FHOD3: variants seen among roughly 807,000 people sequenced by gnomAD.
FHOD3 encodes the protein FH1/FH2 domain-containing protein 3.
Under a neutral mutation model 173.0 loss-of-function variants are expected in FHOD3, and 90 were observed. The observed-to-expected ratio is 0.52, with a 90% CI of 0.44 to 0.62. The LOEUF (loss-of-function observed/expected upper bound fraction) is 0.62, where lower values mean the gene tolerates loss of function less well. FHOD3 is among the 20% of genes least tolerant of loss of function. The pLI is 0.00. For synonymous variants in FHOD3, 828 were observed against 823.0 expected (o/e 1.01, Z -0.10); for missense variants, 1,945 against 2,034.7 (o/e 0.96, Z 0.85).
At position 36,652,702 on chromosome 18, in the gene FHOD3, C is replaced by G; in HGVS notation, c.1419C>G (p.Thr473=). 10 of 1,535,802 alleles carry G rather than the reference C, an allele frequency of 6.5e-6. No individual in the cohort carries two copies. The highest frequency in any genetic ancestry group is 8.7e-6 in the Non-Finnish European group (10 of 1,146,686). The change falls in exon 12 of 29, where the codon ACC becomes ACG. Residue 473 remains threonine (T), a synonymous_variant. Transcript: ENST00000590592. ...PLLVGTAGGT[T]WHSGSSGSEA... ...TGGTTGGCACTGCAGGCGGGACCAC[C>G]TGGCACAGTGGGTCCTCTGGGTCTG...
intron 16 of FHOD3, among the ~76,000 whole-genome samples, chr18:36,688,810 T>C (rs1451106716): frequency 6.6e-6 from 1 of 152,210 alleles, no homozygotes; most frequent in African/African-American, 2.4e-5. Flanking sequence ...ACTTCAAAAT[T>C]TCCCCAAACC....
At chr18:36,415,091 G>T (rs1229818000) in intron 3 of FHOD3, among the ~76,000 whole-genome samples, 1 of 152,130 alleles carries the variant, frequency 6.6e-6, no homozygotes, top group Non-Finnish European at 1.5e-5. Flanking sequence ...CACCAGGAGG[G>T]CCTCACAGTG....
chr18:36,486,163 G>C (rs544564095), intron 3 of FHOD3, among the ~76,000 whole-genome samples: 1 of 152,276 alleles, frequency 6.6e-6, no homozygotes, highest in South Asian at 2.1e-4. Context: ...TGGCTGCCGA[G>C]TGCAACACTG....
At position 36,658,166 on chromosome 18, in the gene FHOD3, C is replaced by T; in HGVS notation, c.1813C>T (p.Pro605Ser). Residue 605 changes from proline (P) to serine (S), a missense_variant, in exon 14 of 29, where the codon CCA (proline) becomes TCA (serine). Pro to Ser is a moderately conservative substitution (Grantham distance 74, BLOSUM62 -1). Transcript: ENST00000590592. ...PTTPTSSVSP[P>S]QEARLERSSP... Reference sequence around the variant, plus strand: ...CACCCCCACATCATCCGTCTCACCCCCACAGGAGGCCAGGTTGGAAAGGTG... The same window carrying T: ...CACCCCCACATCATCCGTCTCACCCTCACAGGAGGCCAGGTTGGAAAGGTG... 1 of 1,587,186 alleles carries T rather than the reference C, an allele frequency of 6.3e-7. No homozygotes were observed. The highest frequency in any genetic ancestry group is 8.6e-7 in the Non-Finnish European group (1 of 1,169,536).
intron 3 of FHOD3, among the ~76,000 whole-genome samples, chr18:36,439,870 G>T (rs2051036132): frequency 6.6e-6 from 1 of 152,140 alleles, no homozygotes; most frequent in African/African-American, 2.4e-5. Context: ...CGATTCTTTT[G>T]TTCTATGTGG....
intron 19 of FHOD3, among the ~76,000 whole-genome samples, chr18:36,729,887 C>T (rs894936699): frequency 6.6e-6 from 1 of 152,192 alleles, no homozygotes; most frequent in African/African-American, 2.4e-5. Flanking sequence ...CCTCTGAGGA[C>T]CACACAGGCC....
chr18:36,763,953 T>C (rs1368524745), intron 27 of FHOD3, among the ~76,000 whole-genome samples: 4 of 152,206 alleles, frequency 2.6e-5, no homozygotes, highest in Non-Finnish European at 5.9e-5. Context: ...TTTCCATAGA[T>C]AGTTTTGGAT....
chr18:36,457,976 A>G (rs1599202160), intron 3 of FHOD3, among the ~76,000 whole-genome samples: 1 of 152,198 alleles, frequency 6.6e-6, no homozygotes, highest in East Asian at 1.9e-4. Context: ...CTGAGGGGTA[A>G]ATTCTGGAGT....
At chr18:36,697,697 T>C (rs1371829212) in intron 17 of FHOD3, among the ~76,000 whole-genome samples, 2 of 152,230 alleles carry the variant, frequency 1.3e-5, no homozygotes, top group African/African-American at 4.8e-5. Flanking sequence ...TGACAAAGGT[T>C]AATGATACTT....
intron 3 of FHOD3, among the ~76,000 whole-genome samples, chr18:36,415,651 C>CAGAAACCCA (rs2146970887): frequency 6.6e-6 from 1 of 152,286 alleles, no homozygotes; most frequent in Non-Finnish European, 1.5e-5. Flanking sequence ...CTATATTTAG[C>CAGAAACCCA]AGAAACCCAA....
intron 14 of FHOD3, among the ~76,000 whole-genome samples, chr18:36,661,627 GGCCCACTT>G (rs1568567640): frequency 1.3e-5 from 2 of 152,040 alleles, no homozygotes; most frequent in African/African-American, 2.4e-5. Context: ...CAGGCACCTC[GGCCCACTT>G]TGGAAATGCA....
intron 3 of FHOD3, among the ~76,000 whole-genome samples, chr18:36,403,718 A>G (rs1187585621): frequency 6.6e-6 from 1 of 151,760 alleles, no homozygotes; most frequent in African/African-American, 2.4e-5. Context: ...ACTATCAGTC[A>G]AAGACATTTC....
At chr18:36,364,733 G>A (rs545710774) in intron 2 of FHOD3, among the ~76,000 whole-genome samples, 4 of 152,304 alleles carry the variant, frequency 2.6e-5, no homozygotes, top group African/African-American at 9.6e-5. Context: ...AGGCAGAAAG[G>A]GAAATGGGTA....
chr18:36,389,085 G>C (rs868832345), intron 3 of FHOD3, among the ~76,000 whole-genome samples: 4 of 152,150 alleles, frequency 2.6e-5, no homozygotes, highest in African/African-American at 9.7e-5. Context: ...TCTGAGGATC[G>C]TGATGATATA....
intron 5 of FHOD3, among the ~76,000 whole-genome samples, chr18:36,553,938 T>A (rs886274791): frequency 5.9e-5 from 9 of 152,124 alleles, no homozygotes; most frequent in Admixed American, 2.6e-4. Context: ...CACAACAAGA[T>A]ACCATCTCAC....
intron 16 of FHOD3, among the ~76,000 whole-genome samples, chr18:36,689,776 A>T (rs2038847840): frequency 6.6e-6 from 1 of 152,294 alleles, no homozygotes; most frequent in South Asian, 2.1e-4. Context: ...GCTTTATAGC[A>T]AACAGGGGCT....
chr18:36,722,840 A>G (rs1466286210), intron 19 of FHOD3, among the ~76,000 whole-genome samples: 2 of 151,886 alleles, frequency 1.3e-5, no homozygotes, highest in Non-Finnish European at 2.9e-5. Flanking sequence ...CCCCACCACC[A>G]CTCTCCACAT....
At chr18:36,556,825 A>G (rs748713862) in intron 5 of FHOD3, among the ~76,000 whole-genome samples, 8 of 152,160 alleles carry the variant, frequency 5.3e-5, no homozygotes, top group South Asian at 2.1e-4. Flanking sequence ...ACCATTTTGC[A>G]TATGCCCAAA....
intron 14 of FHOD3, among the ~76,000 whole-genome samples, chr18:36,676,342 C>T (rs1331865774): frequency 4.6e-5 from 7 of 152,118 alleles, no homozygotes; most frequent in Admixed American, 2.0e-4. Flanking sequence ...TGGGGAATTA[C>T]CTATGTTCAT....
Sources: allele counts gnomAD v4.1 joint callset (sites outside exome capture counted in the v4.1 genomes callset), GRCh38; gene constraint gnomAD v4.1.1; transcripts MANE v1.5; gene names NCBI Gene and HGNC (gene_info 2026-07-23, HGNC 2026-07-21).